The following BCAS3 variants were observed in gnomAD, a reference collection of about 807,000 sequenced individuals.
The protein encoded by BCAS3 is BCAS4/BCAS3 fusion.
In BCAS3, 53 loss-of-function variants were observed where a neutral mutation model predicts 116.1. The observed-to-expected ratio is 0.46, with a 90% confidence interval of 0.37 to 0.57. The LOEUF (loss-of-function observed/expected upper bound fraction) is 0.57, where lower values mean the gene tolerates loss of function less well. Ranked by LOEUF, BCAS3 falls within the 20% of genes least tolerant of loss-of-function variation. The pLI is 0.00. For missense variants in BCAS3, 917 were observed against 1,165.4 expected (o/e 0.79, Z 3.10); for synonymous variants, 391 against 408.2 (o/e 0.96, Z 0.51).
At position 61,309,499 on chromosome 17, in the gene BCAS3, C is replaced by T. The variant is rs931600613; in HGVS notation, c.2426-58828C>T. On this transcript the variant is annotated intron_variant, in intron 22 of 23. Coordinates refer to ENST00000407086, the MANE Select transcript of BCAS3 (RefSeq NM_017679.5). The surrounding 1 kb of genome is among the most constrained non-coding windows in gnomAD (Gnocchi z 4.6). ...GGACATCAGAGGGGTCCCGGCAATG[C>T]GGCCCTGACCCTTCCCTGCCTCACT... 1.3e-5 allele frequency among the ~76,000 whole-genome samples: 2 copies of T among 152,130 alleles called. No homozygotes were observed. Among genetic ancestry groups the T allele is most frequent in the Non-Finnish European group, 2.9e-5 (2 of 68,030 alleles).
At chr17:61,353,093 C>T (rs1210437237) in intron 22 of BCAS3, among the ~76,000 whole-genome samples, 5 of 152,116 alleles carry the variant, frequency 3.3e-5, no homozygotes, top group Non-Finnish European at 7.4e-5. Flanking sequence ...GCTGGATAGA[C>T]AAGCCGGATG....
intron 2 of BCAS3, 36 bp from the exon 3 acceptor site, chr17:60,683,946 C>G: frequency 6.3e-7 from 1 of 1,575,532 alleles, no homozygotes; most frequent in Non-Finnish European, 8.7e-7. Context: ...ATATTAAGCT[C>G]TCCTGACCAG....
rs1397608425 is a variant in BCAS3, at chr17:61,363,436, G to A, written c.2426-4891G>A. Reference sequence around the variant, plus strand: ...CAAGAATCCCCAGGAGATAGCCTGCGAAGACTGTTGCACTTACAACCAGAT... The same window carrying A: ...CAAGAATCCCCAGGAGATAGCCTGCAAAGACTGTTGCACTTACAACCAGAT... On this transcript the variant is annotated intron_variant, in intron 22 of 23. Coordinates refer to ENST00000407086, the MANE Select transcript of BCAS3 (RefSeq NM_017679.5). This position sits in a 1 kb window ranked among gnomAD's most constrained non-coding sequence, Gnocchi z 4.9. Among the ~76,000 whole-genome samples the A allele has an allele frequency of 6.6e-6, 1 of 152,114 alleles. No homozygotes were observed. Among genetic ancestry groups the A allele is most frequent in the Non-Finnish European group, 1.5e-5 (1 of 68,036 alleles).
rs78444014 is a variant in BCAS3 at position 61,077,695 on chromosome 17, A to G, written c.2131-638A>G. 4.0e-3 allele frequency among the ~76,000 whole-genome samples: 614 copies of G among 152,314 alleles called. 21 individuals carry two copies. In the East Asian group the frequency reaches 0.086, roughly 21 times the overall value. ...TAATTAATGGTATTTGGAAGACAAA[A>G]ATCTAGTTTGAGAGAAAATATATAA... On this transcript the variant is annotated intron_variant, in intron 20 of 23. Transcript: ENST00000407086. This position sits in a 1 kb window ranked among gnomAD's most constrained non-coding sequence, Gnocchi z 4.3.
At chr17:60,938,077 G>A (rs889752542) in intron 13 of BCAS3, among the ~76,000 whole-genome samples, 1 of 151,746 alleles carries the variant, frequency 6.6e-6, no homozygotes, top group African/African-American at 2.4e-5. Context: ...TGCCATCTCC[G>A]TAGAGACGGG....
rs879904595 is a variant in BCAS3 at position 61,352,942 on chromosome 17, G to C, written c.2426-15385G>C. The stretch of plus-strand genomic sequence containing the variant: ...CTTTAATGGAGTGTTAACCCCCGTC[G>C]CTGGAACTCATGTTAATGCCTAACA... On this transcript the variant is annotated intron_variant, in intron 22 of 23. Transcript: ENST00000407086. This position sits in a 1 kb window ranked among gnomAD's most constrained non-coding sequence, Gnocchi z 4.7. 6.6e-6 allele frequency among the ~76,000 whole-genome samples: 1 copy of C among 152,192 alleles called. No individual in the cohort carries two copies. The highest frequency in any genetic ancestry group is 1.5e-5 in the Non-Finnish European group (1 of 68,036).
intron 6 of BCAS3, among the ~76,000 whole-genome samples, chr17:60,793,255 C>G (rs953650663): frequency 6.6e-6 from 1 of 152,080 alleles, no homozygotes; most frequent in Non-Finnish European, 1.5e-5. Flanking sequence ...TGCCACCATG[C>G]CCTGCTAATT....
At chr17:61,218,583 A>G (rs969732310) in intron 22 of BCAS3, among the ~76,000 whole-genome samples, 1 of 152,176 alleles carries the variant, frequency 6.6e-6, no homozygotes, top group Admixed American at 6.5e-5. Context: ...TGCTATGAAC[A>G]TTGTGGTTCA....
chr17:61,026,807 C>T lies in BCAS3; in HGVS notation c.1638-7859C>T. On this transcript the variant is annotated intron_variant, in intron 16 of 23. Transcript: ENST00000407086. This position sits in a 1 kb window ranked among gnomAD's most constrained non-coding sequence, Gnocchi z 5.0. ...TAACAGTATGATATACTTGTATTTG[C>T]TAATGTTAAATGAGTTTTTCTCTAA... The T allele has an allele frequency of 6.9e-7, 1 of 1,451,598 alleles. No homozygotes were observed. The highest frequency in any genetic ancestry group is 9.5e-7 in the Non-Finnish European group (1 of 1,053,710). 89.9% of individuals were successfully genotyped at this position (1,451,598 alleles called of 1,614,324 possible). A position where few individuals can be genotyped will look rare whatever the true frequency, so the allele number is the denominator to read the frequency against.
At chr17:61,006,469 A>T (rs1283058639) in intron 15 of BCAS3, among the ~76,000 whole-genome samples, 2 of 152,072 alleles carry the variant, frequency 1.3e-5, no homozygotes, top group African/African-American at 4.8e-5. Context: ...AGAAGATAGG[A>T]TTCTATATTT....
chr17:60,980,096 G>A (rs532936717), intron 14 of BCAS3, among the ~76,000 whole-genome samples: 2 of 152,198 alleles, frequency 1.3e-5, no homozygotes, highest in African/African-American at 4.8e-5. Context: ...TGTACCTCTG[G>A]TAGAATTCGG....
chr17:60,905,028 A>G (rs2058113768), intron 11 of BCAS3, among the ~76,000 whole-genome samples: 1 of 152,244 alleles, frequency 6.6e-6, no homozygotes, highest in African/African-American at 2.4e-5. Context: ...GCATTATAAT[A>G]CAAGAACACT....
intron 16 of BCAS3, chr17:61,027,445 A>G: frequency 2.3e-6 from 1 of 429,980 alleles, no homozygotes. Flanking sequence ...AACCTCCTAA[A>G]TAATTTATTA....
intron 5 of BCAS3, among the ~76,000 whole-genome samples, chr17:60,714,284 G>C (rs1187556396): frequency 6.6e-6 from 1 of 152,164 alleles, no homozygotes; most frequent in African/African-American, 2.4e-5. Flanking sequence ...TTGCTTTTGA[G>C]TAAGTGTAGG....
chr17:61,247,709 G>T (rs936215327), intron 22 of BCAS3, among the ~76,000 whole-genome samples: 13 of 152,076 alleles, frequency 8.5e-5, no homozygotes, highest in Non-Finnish European at 1.5e-5. Context: ...TTATTAAGCA[G>T]TTTTGCAAGT....
chr17:61,356,655 A>T lies in BCAS3; in HGVS notation c.2426-11672A>T, dbSNP rs2058154247. The stretch of plus-strand genomic sequence containing the variant: ...GCCTGTTTATCCAGAGGTTAGTTGT[A>T]GGCAGGGGAGACAAAGAGGACAGGT... On this transcript the variant is annotated intron_variant, in intron 22 of 23. Coordinates refer to ENST00000407086, the MANE Select transcript of BCAS3 (RefSeq NM_017679.5). This position sits in a 1 kb window ranked among gnomAD's most constrained non-coding sequence, Gnocchi z 5.4. 6.6e-6 allele frequency among the ~76,000 whole-genome samples: 1 copy of T among 152,202 alleles called. No homozygotes were observed. Among genetic ancestry groups the T allele is most frequent in the Non-Finnish European group, 1.5e-5 (1 of 68,034 alleles).
Position 61,388,758 on chromosome 17 carries a change from G to A in BCAS3, c.2594-3219G>A, listed in dbSNP as rs559835202. On this transcript the variant is annotated intron_variant, in intron 23 of 23. Transcript: ENST00000407086. This position sits in a 1 kb window ranked among gnomAD's most constrained non-coding sequence, Gnocchi z 6.5. ...CGCTTGCTCGTAGGGCTGGGCGGCC[G>A]GGATGACTTGGAGGGGGGAATCTGA... 7,134 of 1,498,290 alleles carry A rather than the reference G, an allele frequency of 4.8e-3. 25 individuals are homozygous for A. The highest frequency in any genetic ancestry group is 5.8e-3 in the Non-Finnish European group (6,512 of 1,115,858). The allele number at this position is 1,498,290 out of a possible 1,614,324, so 92.8% of individuals were successfully genotyped here.
At chr17:60,904,492 A>G (rs149074806) in intron 11 of BCAS3, among the ~76,000 whole-genome samples, 45 of 152,234 alleles carry the variant, frequency 3.0e-4, no homozygotes, top group African/African-American at 9.1e-4. Context: ...ACTGTGAGGC[A>G]TATACTCATG....
chr17:61,091,350 G>T (rs998612973), intron 22 of BCAS3, among the ~76,000 whole-genome samples: 1 of 152,128 alleles, frequency 6.6e-6, no homozygotes, highest in African/African-American at 2.4e-5. Context: ...TCTCATACAG[G>T]GCTGGACTGT....
Sources: allele counts gnomAD v4.1 joint callset (sites outside exome capture counted in the v4.1 genomes callset), GRCh38; gene constraint gnomAD v4.1.1; non-coding constraint Gnocchi (gnomAD v3.1); transcripts MANE v1.5; gene names NCBI Gene and HGNC (gene_info 2026-07-23, HGNC 2026-07-21).